FAT4: variants seen among roughly 807,000 people sequenced by gnomAD.
FAT4 encodes the protein FAT atypical cadherin 4, also known as protocadherin Fat 4.
In FAT4, 84 loss-of-function variants were observed where a neutral mutation model predicts 303.9. That is an observed-to-expected ratio of 0.28 (90% CI 0.23 to 0.33). The LOEUF (loss-of-function observed/expected upper bound fraction) is 0.33. Ranked by LOEUF, FAT4 falls within the 10% of genes least tolerant of loss-of-function variation. The pLI is 1.00. For synonymous variants in FAT4, 2,307 were observed against 2,298.8 expected (o/e 1.00, Z -0.10); for missense variants, 6,005 against 6,146.8 (o/e 0.98, Z 0.77).
intron 3 of FAT4, among the ~76,000 whole-genome samples, chr4:125,400,849 G>A (rs745728722): frequency 6.6e-6 from 1 of 151,962 alleles, no homozygotes; most frequent in East Asian, 1.9e-4. Flanking sequence ...GGGTATTAGG[G>A]CCAGAAAAGT....
intron 2 of FAT4, among the ~76,000 whole-genome samples, chr4:125,396,075 T>C (rs905451128): frequency 6.6e-6 from 1 of 152,178 alleles, no homozygotes; most frequent in Admixed American, 6.6e-5. Context: ...AGCTGTAGCA[T>C]ATATTTTAAA....
intron 2 of FAT4, among the ~76,000 whole-genome samples, chr4:125,330,458 A>G (rs2125956970): frequency 6.6e-6 from 1 of 152,298 alleles, no homozygotes; most frequent in South Asian, 2.1e-4. Flanking sequence ...TTCACTGAGG[A>G]GCTCAACCAA....
At chr4:125,381,074 A>G (rs1210580367) in intron 2 of FAT4, among the ~76,000 whole-genome samples, 4 of 152,200 alleles carry the variant, frequency 2.6e-5, no homozygotes, top group Non-Finnish European at 5.9e-5. Flanking sequence ...AAGCAACTGA[A>G]ATAAATTTGC....
intron 3 of FAT4, among the ~76,000 whole-genome samples, chr4:125,400,675 G>A (rs886996790): frequency 2.7e-5 from 4 of 148,410 alleles, no homozygotes; most frequent in Non-Finnish European, 5.9e-5. Context: ...TGGTTTTTGT[G>A]AATTTTTATT....
rs1730530095 is a variant in FAT4 at position 125,315,321 on chromosome 4, C to T, written c.-669C>T. On this transcript the variant is annotated 5_prime_UTR_variant, in exon 1 of 18. Coordinates refer to ENST00000394329, the MANE Select transcript of FAT4 (RefSeq NM_001291303.3). ...GAAGGAGAGAGAGGCATCAACCACC[C>T]CCCGCCCCAAACAAAAAGCCTTGTG... is the stretch of plus-strand genomic sequence containing the variant. 6.6e-6 allele frequency among the ~76,000 whole-genome samples: 1 copy of T among 152,106 alleles called. No homozygotes were observed. The highest frequency in any genetic ancestry group is 2.4e-5 in the African/African-American group (1 of 41,422).
rs772129183 is a variant in FAT4, at chr4:125,319,185, A to G, written c.2774A>G (p.Asn925Ser). ...GCTGTGGACCCTGATGAAGGTGTCA[A>G]TGGCATGGTACTCTATAGTCTGAAG... ...AKAVDPDEGVNGMVLYSLKQN... is the reference protein window; with the variant it reads ...AKAVDPDEGVSGMVLYSLKQN... The change falls in exon 2 of 18, where the codon AAT (asparagine) becomes AGT (serine). Residue 925 changes from asparagine to serine, a missense_variant. By Grantham distance (46) the Asn-to-Ser change is conservative. Coordinates refer to ENST00000394329, the MANE Select transcript of FAT4 (RefSeq NM_001291303.3). 1.1e-5 allele frequency: 17 copies of G among 1,614,048 alleles called. No individual in the cohort carries two copies. The highest frequency in any genetic ancestry group is 6.7e-5 in the East Asian group (3 of 44,880).
At chr4:125,432,550 G>C (rs1046525712) in intron 7 of FAT4, among the ~76,000 whole-genome samples, 2 of 152,076 alleles carry the variant, frequency 1.3e-5, no homozygotes, top group African/African-American at 2.4e-5. Context: ...TATTTTGTGT[G>C]TGTGAAATAT....
chr4:125,337,448 C>A (rs775968716), intron 2 of FAT4, among the ~76,000 whole-genome samples: 23 of 151,972 alleles, frequency 1.5e-4, no homozygotes, highest in African/African-American at 5.6e-4. Flanking sequence ...AGGCACATTT[C>A]GATCACTGAT....
Position 125,448,463 on chromosome 4 carries a change from T to G in FAT4, c.7453T>G (p.Ser2485Ala). Reference sequence around the variant, plus strand: ...ACTGCACACTTTCTCTTTTATAGGTTCCTTTGTCTTTGCGGTTACAGTCAC... The same window carrying G: ...ACTGCACACTTTCTCTTTTATAGGTGCCTTTGTCTTTGCGGTTACAGTCAC... Reference protein sequence around the residue: ...THIPSPTLPGSFVFAVTVTDA... With the variant: ...THIPSPTLPGAFVFAVTVTDA... Residue 2485 changes from serine (S) to alanine (A), a missense_variant and splice_region_variant, in exon 10 of 18, where the codon TCC becomes GCC. Ser to Ala is a moderately conservative substitution (Grantham distance 99). Transcript: ENST00000394329. 2 of 1,591,266 alleles carry G rather than the reference T, an allele frequency of 1.3e-6. No homozygotes were observed. The highest frequency in any genetic ancestry group is 1.7e-6 in the Non-Finnish European group (2 of 1,170,386).
chr4:125,387,652 A>G (rs930772986), intron 2 of FAT4, among the ~76,000 whole-genome samples: 7 of 152,182 alleles, frequency 4.6e-5, no homozygotes, highest in Non-Finnish European at 8.8e-5. Flanking sequence ...CCTGACAGAT[A>G]GCAGTATGGC....
chr4:125,329,073 A>C (rs563342923), intron 2 of FAT4, among the ~76,000 whole-genome samples: 68 of 152,280 alleles, frequency 4.5e-4, no homozygotes, highest in African/African-American at 1.6e-3. Flanking sequence ...AACCTTTATA[A>C]TCTTTATTAA....
At position 125,463,665 on chromosome 4, in the gene FAT4, T is replaced by A; in HGVS notation, c.11903T>A (p.Phe3968Tyr). ...GVDSYYCHCP[F>Y]GVFGKHCELN... ...GATTCTTATTATTGTCATTGTCCAT[T>A]TGGTGAGTAAAACTTATTTGTTGAT... Residue 3968 changes from phenylalanine (F) to tyrosine (Y), a missense_variant and splice_region_variant, in exon 11 of 18, where the codon TTT becomes TAT. Phe to Tyr is a conservative substitution (Grantham distance 22, BLOSUM62 3). Transcript: ENST00000394329. 6.5e-7 allele frequency: 1 copy of A among 1,546,698 alleles called. No homozygotes were observed. The highest frequency in any genetic ancestry group is 8.8e-7 in the Non-Finnish European group (1 of 1,136,760).
At chr4:125,321,712 A>G (rs1730961776) in intron 2 of FAT4, 126 bp downstream of exon 2, 1 of 980,112 alleles carries the variant, frequency 1.0e-6, no homozygotes. Flanking sequence ...AGGAACACCT[A>G]AAAATGTTCT....
chr4:125,433,321 A>T (rs1204045875), intron 7 of FAT4, among the ~76,000 whole-genome samples: 1 of 152,232 alleles, frequency 6.6e-6, no homozygotes, highest in Admixed American at 6.5e-5. Flanking sequence ...TAGTATCTTA[A>T]GCAGAAAAGG....
rs747713523 is a variant in FAT4, at chr4:125,320,215, A to G, written c.3804A>G (p.Thr1268=). The G allele has an allele frequency of 6.2e-7, 1 of 1,613,952 alleles. No homozygotes were observed. Among genetic ancestry groups the G allele is most frequent in the Non-Finnish European group, 8.5e-7 (1 of 1,179,784 alleles). Residue 1268 remains threonine, a synonymous_variant, in exon 2 of 18, where the codon ACA becomes ACG. Transcript: ENST00000394329. The part of the protein sequence containing the change: ...FAIDSTSGQV[T]LIGKLDYEAT... ...TAGACAGTACCTCTGGTCAGGTAAC[A>G]CTAATTGGCAAATTAGACTATGAAG...
At position 125,322,796 on chromosome 4, in the gene FAT4, A is replaced by T. The variant is rs370892589; in HGVS notation, c.5175+1210A>T. ...AGTAGTTGGTTATGTCTATCTATGG[A>T]TGGGGAAGAATATTTATGGCTTAAA... On this transcript the variant is annotated intron_variant, in intron 2 of 17. Transcript: ENST00000394329. Among the ~76,000 whole-genome samples, 8 of 151,434 alleles carry T rather than the reference A, an allele frequency of 5.3e-5. 1 individual carries two copies. The East Asian group carries it at 7.7e-4, about 15-fold the overall frequency.
chr4:125,436,424 T>C (rs757936007), intron 8 of FAT4, among the ~76,000 whole-genome samples: 6 of 152,146 alleles, frequency 3.9e-5, no homozygotes, highest in Non-Finnish European at 7.3e-5. Context: ...GCTGGAGATA[T>C]GAGTGTGGAG....
intron 2 of FAT4, among the ~76,000 whole-genome samples, chr4:125,350,727 A>T (rs1732189566): frequency 6.6e-6 from 1 of 151,716 alleles, no homozygotes; most frequent in Non-Finnish European, 1.5e-5. Context: ...ATAGGAAAAC[A>T]GAGCAAGTTT....
chr4:125,386,273 T>C (rs1248343343), intron 2 of FAT4, among the ~76,000 whole-genome samples: 1 of 152,108 alleles, frequency 6.6e-6, no homozygotes, highest in Non-Finnish European at 1.5e-5. Context: ...CTGAGTTTTG[T>C]TTTGTTTTGT....
Sources: gnomAD v4.1 joint callset for allele counts (sites outside exome capture counted in the v4.1 genomes callset) on GRCh38, gnomAD v4.1.1 for gene constraint, MANE v1.5 for transcripts, NCBI Gene and HGNC (gene_info 2026-07-23, HGNC 2026-07-21) for gene names.